The following MROH1 variants were observed in gnomAD, a reference collection of about 807,000 sequenced individuals.
MROH1 encodes maestro heat like repeat family member 1, also known as maestro heat-like repeat-containing protein family member 1.
MROH1 carries 117 observed loss-of-function variants against 116.5 expected under a neutral mutation model. The ratio of observed to expected loss-of-function variants is 1.00; its 90% CI spans 0.86 to 1.17. The LOEUF is 1.17. MROH1 is among the 50% of genes most tolerant of loss of function. MROH1 has a pLI of 0.00. For synonymous variants in MROH1, 921 were observed against 583.9 expected (o/e 1.58, Z -8.32); for missense variants, 1,873 against 1,338.5 (o/e 1.40, Z -6.23).
intron 10 of MROH1, among the ~76,000 whole-genome samples, chr8:144,195,215 A>AAAAAAAAAAAAAAAAAAAAAAAAC (rs1829565684): frequency 7.2e-6 from 1 of 139,166 alleles, no homozygotes; most frequent in Non-Finnish European, 1.6e-5. Flanking sequence ...AAAAAAAAAA[A>AAAAAAAAAAAAAAAAAAAAAAAAC]AAAAGGCCGA....
intron 35 of MROH1, among the ~76,000 whole-genome samples, chr8:144,258,237 C>A (rs1844282784): frequency 6.6e-6 from 1 of 152,174 alleles, no homozygotes; most frequent in Non-Finnish European, 1.5e-5. Flanking sequence ...CATTGCACGC[C>A]CAGGGCGCCT....
At chr8:144,193,975 T>C (rs1829253867) in intron 10 of MROH1, among the ~76,000 whole-genome samples, 1 of 152,198 alleles carries the variant, frequency 6.6e-6, no homozygotes, top group Non-Finnish European at 1.5e-5. Context: ...CTATCCAGCA[T>C]GCAGGAGCTG....
At position 144,258,831 on chromosome 8, in the gene MROH1, G is replaced by C; in HGVS notation, c.3846G>C (p.Val1282=). 2.6e-6 allele frequency: 2 copies of C among 769,356 alleles called. No individual in the cohort carries two copies. Among genetic ancestry groups the C allele is most frequent in the East Asian group, 4.9e-5 (2 of 40,878 alleles). 47.7% of individuals were successfully genotyped at this position (769,356 alleles called of 1,614,324 possible). A position where few individuals can be genotyped will look rare whatever the true frequency, so the allele number is the denominator to read the frequency against. ...SMLLRSGSED[V]VQRMDLEGGW... is the part of the protein sequence containing the mutation. ...TACTCCGCAGCGGCAGCGAGGATGT[G>C]GTACAGCGCATGGACCTGGAGGGAG... Residue 1282 remains valine (V), a synonymous_variant, in exon 36 of 44, where the codon GTG becomes GTC. Coordinates refer to ENST00000326134, the MANE Select transcript of MROH1 (RefSeq NM_032450.3).
intron 24 of MROH1, among the ~76,000 whole-genome samples, chr8:144,242,939 G>A (rs1841271079): frequency 6.8e-6 from 1 of 147,694 alleles, no homozygotes; most frequent in African/African-American, 2.5e-5. Flanking sequence ...CTGCTCCCCA[G>A]TGCTCATGGG....
intron 10 of MROH1, among the ~76,000 whole-genome samples, chr8:144,198,617 T>C (rs550032047): frequency 1.3e-5 from 2 of 150,796 alleles, no homozygotes; most frequent in South Asian, 4.2e-4. Flanking sequence ...CCAATAAGAC[T>C]TTTTTTTTCC....
chr8:144,231,364 C>T (rs1554822851), intron 14 of MROH1, among the ~76,000 whole-genome samples: 2 of 152,082 alleles, frequency 1.3e-5, no homozygotes, highest in African/African-American at 4.8e-5. Context: ...AGAGGGGCTC[C>T]TCACTTCCCA....
intron 29 of MROH1, 102 bp from the exon 30 acceptor site, chr8:144,247,199 C>A: frequency 1.4e-6 from 1 of 696,170 alleles, no homozygotes; most frequent in Non-Finnish European, 2.6e-6. Context: ...TGGACACCAG[C>A]AGCACTCCTG....
At chr8:144,221,802 A>G (rs1052263863) in intron 13 of MROH1, among the ~76,000 whole-genome samples, 1 of 151,972 alleles carries the variant, frequency 6.6e-6, no homozygotes, top group African/African-American at 2.4e-5. Context: ...CTGTTCTCTG[A>G]GATAGCACAA....
In MROH1 at chr8:144,261,844, G is replaced by C; in HGVS notation, c.*104G>C. 1 of 696,358 alleles carries C rather than the reference G, an allele frequency of 1.4e-6. No individual in the cohort carries two copies. The allele number at this position is 696,358 out of a possible 1,614,324, so 43.1% of individuals were successfully genotyped here. On this transcript the variant is annotated 3_prime_UTR_variant, in exon 44 of 44. Coordinates refer to ENST00000326134, the MANE Select transcript of MROH1 (RefSeq NM_032450.3). ...ACAGCCTGGGCACACGACTGGAGGG[G>C]CCTGGCCCCAGAACAGGCACTGCTG...
intron 4 of MROH1, among the ~76,000 whole-genome samples, chr8:144,171,024 G>A (rs554451394): frequency 6.6e-6 from 1 of 152,164 alleles, no homozygotes; most frequent in African/African-American, 2.4e-5. Flanking sequence ...GTGACCAAAT[G>A]GGGGGGATTT....
intron 14 of MROH1, among the ~76,000 whole-genome samples, chr8:144,228,637 G>C (rs1355835415): frequency 6.6e-6 from 1 of 152,128 alleles, no homozygotes; most frequent in African/African-American, 2.4e-5. Context: ...CTAATTGTTT[G>C]TATTTTAGAA....
At chr8:144,156,503 T>C (rs1183265087) in intron 1 of MROH1, among the ~76,000 whole-genome samples, 4 of 151,886 alleles carry the variant, frequency 2.6e-5, no homozygotes, top group East Asian at 2.0e-4. Flanking sequence ...GCTCAGGGGT[T>C]TGAGACCAGC....
At chr8:144,212,949 A>G (rs917466781) in intron 12 of MROH1, 3 of 748,062 alleles carry the variant, frequency 4.0e-6, no homozygotes, top group Non-Finnish European at 7.6e-6. Flanking sequence ...GGTTAATAGA[A>G]TTGGACTATC....
Position 144,167,496 on chromosome 8 carries a change from AGAGTGGCCGGTTGTTGGGGTG to A in MROH1, c.23-784_23-764del, listed in dbSNP as rs1324193918. 3.0e-4 allele frequency among the ~76,000 whole-genome samples: 15 copies of A among 50,504 alleles called. 1 individual carries two copies. Among genetic ancestry groups the A allele is most frequent in the African/African-American group, 7.1e-4 (8 of 11,328 alleles). 33.1% of individuals were successfully genotyped at this position (50,504 alleles called of 152,430 possible). ...GGGGTGGAGTGGCCGGTTGTTGGGT[AGAGTGGCCGGTTGTTGGGGTG>A]GAGTGGCCGGTTGTGGGGTGGAGTG... is the stretch of plus-strand genomic sequence containing the variant. On this transcript the variant is annotated intron_variant, in intron 3 of 43. Coordinates refer to ENST00000326134, the MANE Select transcript of MROH1 (RefSeq NM_032450.3).
intron 32 of MROH1, among the ~76,000 whole-genome samples, chr8:144,249,478 G>A (rs2133130864): frequency 6.6e-6 from 1 of 152,238 alleles, no homozygotes; most frequent in East Asian, 1.9e-4. Context: ...TTTGGCAGTA[G>A]GGGTCACCAT....
At chr8:144,220,259 C>T (rs1473350698) in intron 12 of MROH1, among the ~76,000 whole-genome samples, 1 of 152,126 alleles carries the variant, frequency 6.6e-6, no homozygotes, top group Non-Finnish European at 1.5e-5. Context: ...GGACCCTGCC[C>T]CCAGTGCTTA....
In MROH1 at chr8:144,175,169, T is replaced by G. The variant is rs534160713; in HGVS notation, c.169-4286T>G. 1.8e-3 allele frequency: 1,763 copies of G among 983,424 alleles called. 7 individuals carry two copies. Among genetic ancestry groups the G allele is most frequent in the South Asian group, 0.015 (326 of 21,230 alleles). The allele number at this position is 983,424 out of a possible 1,614,324, so 60.9% of individuals were successfully genotyped here. The stretch of plus-strand genomic sequence containing the variant: ...ATTAATGCCCTGCTGCACCTGAGCT[T>G]CTCCTCCCAGCAGCGGATCTGGTCG... On this transcript the variant is annotated intron_variant, in intron 4 of 43. Transcript: ENST00000326134.
intron 1 of MROH1, among the ~76,000 whole-genome samples, chr8:144,155,453 A>AT (rs1817800901): frequency 1.3e-5 from 2 of 152,074 alleles, no homozygotes; most frequent in South Asian, 2.1e-4. Flanking sequence ...ATTTTCTTAA[A>AT]TTTTTTTGAT....
chr8:144,203,329 AGGGGAGCGCCGGCTCTCTGTGGAGGGGC>A (rs1832052627), intron 12 of MROH1, among the ~76,000 whole-genome samples: 3 of 17,856 alleles, frequency 1.7e-4, no homozygotes, highest in Non-Finnish European at 3.3e-4. Flanking sequence ...AGGGGCTGGG[AGGGGAGCGCCGGCTCTCTGTGGAGGGGC>A]GGGGAGGGGA....
Sources: allele counts gnomAD v4.1 joint callset (sites outside exome capture counted in the v4.1 genomes callset), GRCh38; gene constraint gnomAD v4.1.1; transcripts MANE v1.5; gene names NCBI Gene and HGNC (gene_info 2026-07-23, HGNC 2026-07-21).